The following KIRREL3 variants were observed in gnomAD, a reference collection of about 807,000 sequenced individuals.
The protein encoded by KIRREL3 is kin of IRRE-like protein 3.
KIRREL3 carries 36 observed loss-of-function variants against 89.7 expected under a neutral mutation model. The ratio of observed to expected loss-of-function variants is 0.40; its 90% confidence interval spans 0.31 to 0.53. KIRREL3 has a LOEUF of 0.53. Ranked by LOEUF, KIRREL3 falls within the 20% of genes least tolerant of loss-of-function variation. The pLI is 0.49. For missense variants in KIRREL3, 864 were observed against 1,056.6 expected (o/e 0.82, Z 2.53); for synonymous variants, 445 against 441.4 (o/e 1.01, Z -0.10).
chr11:126,506,644 A>C (rs1057414822), intron 4 of KIRREL3, among the ~76,000 whole-genome samples: 1 of 152,254 alleles, frequency 6.6e-6, no homozygotes, highest in Non-Finnish European at 1.5e-5. Flanking sequence ...TTTGGAAAAC[A>C]GCATGGCAGT....
rs191600979 is a variant in KIRREL3 at position 126,636,339 on chromosome 11, T to C, written c.56-73427A>G. On this transcript the variant is annotated intron_variant, in intron 1 of 16. Transcript: ENST00000525144. This position sits in a 1 kb window ranked among gnomAD's most constrained non-coding sequence, Gnocchi z 4.4. ...ATTTCAAAGAATTGGGAGGATAAAA[T>C]TAAGAGACTGGTAACCCAGCATCTG... Among the ~76,000 whole-genome samples the C allele has an allele frequency of 3.3e-3, 498 of 152,288 alleles. 11 individuals are homozygous for C. The highest frequency in any genetic ancestry group is 1.4e-3 in the Non-Finnish European group (96 of 68,022).
chr11:126,800,664 G>A (rs1430627919), intron 1 of KIRREL3, among the ~76,000 whole-genome samples: 1 of 152,134 alleles, frequency 6.6e-6, no homozygotes, highest in Non-Finnish European at 1.5e-5. Flanking sequence ...GGAATAATGA[G>A]CTCCAGGCAC....
At chr11:126,803,833 T>A (rs1951116855) in intron 1 of KIRREL3, among the ~76,000 whole-genome samples, 1 of 152,198 alleles carries the variant, frequency 6.6e-6, no homozygotes, top group African/African-American at 2.4e-5. Context: ...GGGTAAGAGC[T>A]CCATAGGGAC....
At chr11:126,927,988 A>C (rs771490513) in intron 1 of KIRREL3, among the ~76,000 whole-genome samples, 1 of 152,240 alleles carries the variant, frequency 6.6e-6, no homozygotes, top group Non-Finnish European at 1.5e-5. Context: ...ATGAGGAAAC[A>C]AATAAAAAAA....
At chr11:126,756,013 G>A (rs2134256032) in intron 1 of KIRREL3, among the ~76,000 whole-genome samples, 1 of 152,290 alleles carries the variant, frequency 6.6e-6, no homozygotes, top group African/African-American at 2.4e-5. Context: ...GCAATGGAAT[G>A]GGAGCTCTTT....
Position 126,883,735 on chromosome 11 carries a change from T to C in KIRREL3, c.55+116720A>G, listed in dbSNP as rs4936003. Among the ~76,000 whole-genome samples the C allele has an allele frequency of 0.29, 43,608 of 152,066 alleles. 6,459 individuals carry two copies. Among genetic ancestry groups the C allele is most frequent in the East Asian group, 0.42 (2,156 of 5,148 alleles). The stretch of plus-strand genomic sequence containing the variant: ...AAGCATTAGTCTCAGAACTTATGTT[T>C]GGAACTCTTACACAGGCTGGATTTT... On this transcript the variant is annotated intron_variant, in intron 1 of 16. Coordinates refer to ENST00000525144, the MANE Select transcript of KIRREL3 (RefSeq NM_032531.4). This position sits in a 1 kb window ranked among gnomAD's most constrained non-coding sequence, Gnocchi z 4.1.
Position 126,876,324 on chromosome 11 carries a change from G to C in KIRREL3, c.55+124131C>G, listed in dbSNP as rs529977230. On this transcript the variant is annotated intron_variant, in intron 1 of 16. Transcript: ENST00000525144. This position sits in a 1 kb window ranked among gnomAD's most constrained non-coding sequence, Gnocchi z 4.1. ...CTAGACTCAGTTTCTCAGCCTGAAGGCACGGACTACAGAAAGGGAAAATGT... is the reference window on the plus strand; with the variant it reads ...CTAGACTCAGTTTCTCAGCCTGAAGCCACGGACTACAGAAAGGGAAAATGT... Among the ~76,000 whole-genome samples the C allele has an allele frequency of 6.6e-6, 1 of 152,268 alleles. No individual in the cohort carries two copies. Among genetic ancestry groups the C allele is most frequent in the East Asian group, 1.9e-4 (1 of 5,180 alleles).
chr11:126,916,053 A>T (rs952775852), intron 1 of KIRREL3, among the ~76,000 whole-genome samples: 2 of 152,222 alleles, frequency 1.3e-5, no homozygotes, highest in African/African-American at 2.4e-5. Context: ...AATTCTAATC[A>T]TATGTAAAAC....
Position 126,459,709 on chromosome 11 carries a change from TC to T in KIRREL3, c.743-3256del, listed in dbSNP as rs1027264852. Among the ~76,000 whole-genome samples, 12 of 152,186 alleles carry T rather than the reference TC, an allele frequency of 7.9e-5. No homozygotes were observed. The highest frequency in any genetic ancestry group is 2.9e-4 in the African/African-American group (12 of 41,448). On this transcript the variant is annotated intron_variant, in intron 6 of 16. Coordinates refer to ENST00000525144, the MANE Select transcript of KIRREL3 (RefSeq NM_032531.4). This position sits in a 1 kb window ranked among gnomAD's most constrained non-coding sequence, Gnocchi z 4.8. ...AGCTGAGAGTCTGTTAGTGTTTCCA[TC>T]CGCCCGTGTGTGCGTGTGTCCATGT...
chr11:126,478,943 T>C (rs1957153101), intron 4 of KIRREL3, among the ~76,000 whole-genome samples: 1 of 152,140 alleles, frequency 6.6e-6, no homozygotes, highest in Non-Finnish European at 1.5e-5. Context: ...TCCCTGTCTC[T>C]CCTCGAGAGA....
Position 126,764,295 on chromosome 11 carries a change from C to A in KIRREL3, c.56-201383G>T, listed in dbSNP as rs774459551. ...CTTGGCAAATGTCCATTCTGTCAGG[C>A]GCCCTGCCTCTTGCCACCTCTTTCT... On this transcript the variant is annotated intron_variant, in intron 1 of 16. Coordinates refer to ENST00000525144, the MANE Select transcript of KIRREL3 (RefSeq NM_032531.4). The surrounding 1 kb of genome is among the most constrained non-coding windows in gnomAD (Gnocchi z 4.2). 2.6e-5 allele frequency among the ~76,000 whole-genome samples: 4 copies of A among 152,040 alleles called. No individual in the cohort carries two copies. Among genetic ancestry groups the A allele is most frequent in the Non-Finnish European group, 4.4e-5 (3 of 68,012 alleles).
chr11:126,672,596 G>A (rs1946005191), intron 1 of KIRREL3, among the ~76,000 whole-genome samples: 1 of 152,190 alleles, frequency 6.6e-6, no homozygotes, highest in Non-Finnish European at 1.5e-5. Flanking sequence ...CACAGGGGAT[G>A]TTTTTAAGGC....
At position 126,780,582 on chromosome 11, in the gene KIRREL3, C is replaced by A. The variant is rs1412630041; in HGVS notation, c.56-217670G>T. On this transcript the variant is annotated intron_variant, in intron 1 of 16. Coordinates refer to ENST00000525144, the MANE Select transcript of KIRREL3 (RefSeq NM_032531.4). This position sits in a 1 kb window ranked among gnomAD's most constrained non-coding sequence, Gnocchi z 5.3. ...TTCCCCGAGCAGCCTCTTGACAGAA[C>A]ATCAAGCTTGGGGGATGTCCCATGC... is the stretch of plus-strand genomic sequence containing the variant. Among the ~76,000 whole-genome samples, 1 of 152,178 alleles carries A rather than the reference C, an allele frequency of 6.6e-6. No individual in the cohort carries two copies. The highest frequency in any genetic ancestry group is 1.5e-5 in the Non-Finnish European group (1 of 68,040).
chr11:126,699,515 G>A (rs1201626772), intron 1 of KIRREL3, among the ~76,000 whole-genome samples: 4 of 152,096 alleles, frequency 2.6e-5, no homozygotes, highest in Non-Finnish European at 5.9e-5. Context: ...AAATTTCTTC[G>A]AATAGTATGT....
chr11:126,552,832 G>T (rs1161290230), intron 2 of KIRREL3, among the ~76,000 whole-genome samples: 1 of 151,940 alleles, frequency 6.6e-6, no homozygotes, highest in Non-Finnish European at 1.5e-5. Flanking sequence ...CAAAATGCTG[G>T]GATTACAGGC....
At position 126,943,718 on chromosome 11, in the gene KIRREL3, G is replaced by A. The variant is rs1444420753; in HGVS notation, c.55+56737C>T. Among the ~76,000 whole-genome samples the A allele has an allele frequency of 6.6e-6, 1 of 152,188 alleles. No homozygotes were observed. Among genetic ancestry groups the A allele is most frequent in the Non-Finnish European group, 1.5e-5 (1 of 68,030 alleles). ...AAGGGCAGGCTTTGCCTCCAGGGAG[G>A]CATTAAAGGGCCACCTCCTATAGTG... On this transcript the variant is annotated intron_variant, in intron 1 of 16. Transcript: ENST00000525144. The surrounding 1 kb of genome is among the most constrained non-coding windows in gnomAD (Gnocchi z 4.2).
chr11:126,607,250 G>A lies in KIRREL3; in HGVS notation c.56-44338C>T, dbSNP rs914224761. On this transcript the variant is annotated intron_variant, in intron 1 of 16. Coordinates refer to ENST00000525144, the MANE Select transcript of KIRREL3 (RefSeq NM_032531.4). The surrounding 1 kb of genome is among the most constrained non-coding windows in gnomAD (Gnocchi z 6.6). ...GAGATTGGCTCACCTCCTTGTACAG[G>A]AAGAAAAACTGCGGCCAGAGGGGCA... Among the ~76,000 whole-genome samples, 15 of 152,212 alleles carry A rather than the reference G, an allele frequency of 9.9e-5. No homozygotes were observed. The highest frequency in any genetic ancestry group is 3.4e-4 in the African/African-American group (14 of 41,452).
chr11:126,728,639 T>G (rs61897912), intron 1 of KIRREL3, among the ~76,000 whole-genome samples: 15,467 of 152,216 alleles, frequency 0.1, 917 homozygotes, highest in African/African-American at 0.16. Context: ...CACAGGAACC[T>G]GGACCACCTT....
intron 1 of KIRREL3, among the ~76,000 whole-genome samples, chr11:126,599,170 C>G (rs1942532860): frequency 6.6e-6 from 1 of 152,202 alleles, no homozygotes; most frequent in Non-Finnish European, 1.5e-5. Context: ...ATTGGCCCCT[C>G]TTAGGGCTCT....
Sources: allele counts gnomAD v4.1 joint callset (sites outside exome capture counted in the v4.1 genomes callset), GRCh38; gene constraint gnomAD v4.1.1; non-coding constraint Gnocchi (gnomAD v3.1); transcripts MANE v1.5; gene names NCBI Gene and HGNC (gene_info 2026-07-23, HGNC 2026-07-21).